Variants in TUSC3 observed in about 807,000 individuals in gnomAD.
TUSC3 encodes tumor suppressor candidate 3, also known as dolichyl-diphosphooligosaccharide--protein glycosyltransferase subunit TUSC3.
Under a neutral mutation model 44.8 loss-of-function variants are expected in TUSC3, and 45 were observed. The ratio of observed to expected loss-of-function variants is 1.00; its 90% CI spans 0.79 to 1.29. TUSC3 has a LOEUF of 1.29. Ranked by LOEUF, TUSC3 falls within the 50% of genes most tolerant of loss-of-function variation. TUSC3 has a pLI of 0.00. For synonymous variants in TUSC3, 212 were observed against 152.9 expected, an observed-to-expected ratio of 1.39 and a Z score of -2.85; for missense variants, 519 against 437.9, an observed-to-expected ratio of 1.19 and a Z score of -1.65.
chr8:15,695,707 A>G (rs1374187957), intron 6 of TUSC3, among the ~76,000 whole-genome samples: 1 of 152,198 alleles, frequency 6.6e-6, no homozygotes, highest in African/African-American at 2.4e-5. Flanking sequence ...TGATAATGAT[A>G]TGAACAATGA....
chr8:15,850,309 C>G, the TUSC3 span, among the ~76,000 whole-genome samples: 1 of 152,142 alleles, frequency 6.6e-6, no homozygotes, highest in Non-Finnish European at 1.5e-5. Flanking sequence ...TCTTTAACCT[C>G]AAAGTATTTG....
chr8:15,448,089 CT>C (rs1193805416), intron 1 of TUSC3, among the ~76,000 whole-genome samples: 19 of 24,304 alleles, frequency 7.8e-4, no homozygotes, highest in Non-Finnish European at 1.9e-3. Context: ...GAAAATTCAA[CT>C]GTATGGTAGT....
chr8:15,812,416 T>C, the TUSC3 span, among the ~76,000 whole-genome samples: 8 of 152,000 alleles, frequency 5.3e-5, no homozygotes, highest in Non-Finnish European at 1.2e-4. Context: ...AAAATGGTTT[T>C]GATTTCAATA....
chr8:15,510,265 TA>T (rs1223668213), intron 2 of TUSC3, among the ~76,000 whole-genome samples: 1 of 151,440 alleles, frequency 6.6e-6, no homozygotes, highest in Non-Finnish European at 1.5e-5. Context: ...ATAGAAAACC[TA>T]AAAGAAAAAA....
chr8:15,618,130 A>G (rs1805076474), intron 1 of TUSC3, among the ~76,000 whole-genome samples: 1 of 152,108 alleles, frequency 6.6e-6, no homozygotes, highest in Non-Finnish European at 1.5e-5. Context: ...TCAGGCCTGG[A>G]GGTTGCTCTG....
At chr8:15,451,329 C>T (rs1460268898) in intron 1 of TUSC3, among the ~76,000 whole-genome samples, 1 of 152,080 alleles carries the variant, frequency 6.6e-6, no homozygotes, top group Non-Finnish European at 1.5e-5. Flanking sequence ...GTGGCTGGGG[C>T]CTCCTGGGTA....
At chr8:15,852,005 T>C in the TUSC3 span, among the ~76,000 whole-genome samples, 35 of 152,260 alleles carry the variant, frequency 2.3e-4, no homozygotes, top group Non-Finnish European at 2.6e-4. Context: ...CCATGTGAGA[T>C]GTGCCTTTTG....
intron 6 of TUSC3, among the ~76,000 whole-genome samples, chr8:15,696,129 G>C: frequency 6.6e-6 from 1 of 152,162 alleles, no homozygotes; most frequent in East Asian, 1.9e-4. Flanking sequence ...AGGTCTTCAG[G>C]GCAGCCTTTC....
At chr8:15,632,006 C>G (rs982460184) in intron 2 of TUSC3, among the ~76,000 whole-genome samples, 1 of 152,088 alleles carries the variant, frequency 6.6e-6, no homozygotes, top group Non-Finnish European at 1.5e-5. Context: ...CGTACCCGGC[C>G]AAGGCTATTC....
At chr8:15,444,906 G>A (rs562588634) in intron 1 of TUSC3, among the ~76,000 whole-genome samples, 1 of 152,162 alleles carries the variant, frequency 6.6e-6, no homozygotes, top group Non-Finnish European at 1.5e-5. Context: ...GCAAACTCCT[G>A]GAAGGGAGGT....
intron 1 of TUSC3, among the ~76,000 whole-genome samples, chr8:15,477,003 A>C (rs773038082): frequency 1.1e-4 from 16 of 152,332 alleles, no homozygotes; most frequent in South Asian, 1.0e-3. Flanking sequence ...ATTGCAATCA[A>C]TGTGATTGGT....
At chr8:15,659,944 C>G (rs1054881643) in intron 4 of TUSC3, among the ~76,000 whole-genome samples, 32 of 151,970 alleles carry the variant, frequency 2.1e-4, no homozygotes, top group African/African-American at 6.5e-4. Flanking sequence ...CAAGGAAATT[C>G]TAATTAAAAA....
At chr8:15,419,581 T>C (rs1437562410) in intron 1 of TUSC3, among the ~76,000 whole-genome samples, 4 of 152,202 alleles carry the variant, frequency 2.6e-5, no homozygotes, top group Admixed American at 1.3e-4. Context: ...TCTACGGTTA[T>C]ACGTGTGTGA....
At chr8:15,646,556 T>C (rs1442080107) in intron 2 of TUSC3, among the ~76,000 whole-genome samples, 2 of 152,100 alleles carry the variant, frequency 1.3e-5, no homozygotes, top group African/African-American at 4.8e-5. Context: ...TTTTTTAAAT[T>C]ACATTTTAGT....
chr8:15,624,509 T>C (rs1309155055), intron 2 of TUSC3, among the ~76,000 whole-genome samples: 1 of 152,252 alleles, frequency 6.6e-6, no homozygotes, highest in African/African-American at 2.4e-5. Context: ...TTCTGATAGA[T>C]ACTGTAGTAA....
intron 1 of TUSC3, among the ~76,000 whole-genome samples, chr8:15,590,785 C>A (rs1803800459): frequency 6.6e-6 from 1 of 152,002 alleles, no homozygotes; most frequent in African/African-American, 2.4e-5. Flanking sequence ...AGTCCTCTCA[C>A]CACAGCCACC....
downstream of TUSC3, among the ~76,000 whole-genome samples, chr8:15,768,124 T>C (rs1812378169): frequency 6.6e-6 from 1 of 151,512 alleles, no homozygotes; most frequent in Admixed American, 6.6e-5. Context: ...AGAGAACCTG[T>C]CTGTAAAGTG....
At chr8:15,847,699 T>C in the TUSC3 span, among the ~76,000 whole-genome samples, 8,772 of 152,240 alleles carry the variant, frequency 0.058, 512 homozygotes, top group East Asian at 0.2. Context: ...GAGTTCATGG[T>C]AGTAAAACTC....
At chr8:15,692,371 C>CCCTTCT (rs1563175839) in intron 6 of TUSC3, among the ~76,000 whole-genome samples, 1 of 18,820 alleles carries the variant, frequency 5.3e-5, no homozygotes, top group Non-Finnish European at 1.0e-4. Context: ...CCCCCCCCCC[C>CCCTTCT]TTTGTTTTTT....
Sources: gnomAD v4.1 joint callset for allele counts (sites outside exome capture counted in the v4.1 genomes callset) on GRCh38, gnomAD v4.1.1 for gene constraint, MANE v1.5 for transcripts, NCBI Gene and HGNC (gene_info 2026-07-23, HGNC 2026-07-21) for gene names.